EPHA6: variants seen among roughly 807,000 people sequenced by gnomAD.
The protein encoded by EPHA6 is ephrin type-A receptor 6.
A neutral mutation model predicts 112.0 loss-of-function variants in EPHA6; 50 were observed. The observed-to-expected ratio is 0.45, with a 90% CI of 0.36 to 0.56. EPHA6 has a LOEUF of 0.56. Ranked by LOEUF, EPHA6 falls within the 20% of genes least tolerant of loss-of-function variation. The pLI, the probability that EPHA6 is intolerant of heterozygous loss-of-function variation, is 0.00. For missense variants in EPHA6, 1,280 were observed against 1,417.4 expected (o/e 0.90, Z 1.56); for synonymous variants, 529 against 490.7 (o/e 1.08, Z -1.03).
intron 5 of EPHA6, among the ~76,000 whole-genome samples, chr3:97,283,815 A>G (rs1474240403): frequency 6.6e-6 from 1 of 152,196 alleles, no homozygotes; most frequent in Non-Finnish European, 1.5e-5. Flanking sequence ...ATTTAAGTAC[A>G]TTACTTGTGA....
intron 2 of EPHA6, among the ~76,000 whole-genome samples, chr3:96,941,030 C>T (rs2040911879): frequency 6.6e-6 from 1 of 152,152 alleles, no homozygotes; most frequent in African/African-American, 2.4e-5. Context: ...CTGCCCTTAA[C>T]ATTTTTTCCT....
intron 1 of EPHA6, among the ~76,000 whole-genome samples, chr3:96,839,942 T>C (rs984956932): frequency 2.0e-5 from 3 of 152,108 alleles, no homozygotes; most frequent in African/African-American, 7.2e-5. Context: ...AGGGCAGGAA[T>C]TGGTAATGGG....
At position 97,553,268 on chromosome 3, in the gene EPHA6, ATC is replaced by A. The variant is rs557780355; in HGVS notation, c.2386+20731_2386+20732del. On this transcript the variant is annotated intron_variant, in intron 11 of 17. Coordinates refer to ENST00000389672, the MANE Select transcript of EPHA6 (RefSeq NM_001080448.3). ...CCAGCTTTGTGCCTTCTACAAGCCA[ATC>A]TCTCTGTTGCTTTGGGGCTTTCCTG... is the stretch of plus-strand genomic sequence containing the variant. Among the ~76,000 whole-genome samples, 28 of 151,946 alleles carry A rather than the reference ATC, an allele frequency of 1.8e-4. No homozygotes were observed. The South Asian group carries it at 5.6e-3, about 30-fold the overall frequency.
Position 97,233,309 on chromosome 3 carries a change from C to CAA in EPHA6, c.1270+6904_1270+6905dup, listed in dbSNP as rs55764447. Among the ~76,000 whole-genome samples, 543 of 86,494 alleles carry CAA rather than the reference C, an allele frequency of 6.3e-3. 5 individuals carry two copies. The highest frequency in any genetic ancestry group is 0.015 in the African/African-American group (465 of 30,830). 56.7% of individuals were successfully genotyped at this position (86,494 alleles called of 152,430 possible). ...ACCCTAGCAGTTATTACAATGTATG[C>CAA]AAAAAAAAAAAAAAAGCAAGTACCA... is the stretch of plus-strand genomic sequence containing the variant. On this transcript the variant is annotated intron_variant, in intron 4 of 17. Transcript: ENST00000389672.
At position 97,175,521 on chromosome 3, in the gene EPHA6, T is replaced by C. The variant is rs529199284; in HGVS notation, c.1115-50743T>C. ...TAACAATATTGATTCTTCTAACCCA[T>C]GAACATGGAATATTTTTCCATTTTT... On this transcript the variant is annotated intron_variant, in intron 3 of 17. Transcript: ENST00000389672. Among the ~76,000 whole-genome samples the C allele has an allele frequency of 1.1e-4, 17 of 152,140 alleles. 1 individual carries two copies. The South Asian group carries it at 2.3e-3, about 20-fold the overall frequency.
In EPHA6 at chr3:97,243,955, C is replaced by T. The variant is rs2078918133; in HGVS notation, c.1274C>T (p.Pro425Leu). The T allele has an allele frequency of 6.2e-7, 1 of 1,600,130 alleles. No individual in the cohort carries two copies. The highest frequency in any genetic ancestry group is 1.3e-5 in the African/African-American group (1 of 74,492). The change falls in exon 5 of 18, where the codon CCA (proline) becomes CTA (leucine). Residue 425 changes from proline to leucine, a missense_variant. By Grantham distance (98) the Pro-to-Leu change is moderately conservative. This residue lies in a region of EPHA6 where 878 missense variants were observed against 999.7 expected (regional missense o/e 0.88). Transcript: ENST00000389672. ...KDPPSMACTR[P>L]PSAPRNVVFN... Reference sequence around the variant, plus strand: ...TTTTTTAATTGCTTTTCTCTAGGGCCACCTTCAGCTCCTAGGAATGTGGTT... The same window carrying T: ...TTTTTTAATTGCTTTTCTCTAGGGCTACCTTCAGCTCCTAGGAATGTGGTT...
At chr3:97,144,074 C>A (rs959931913) in intron 3 of EPHA6, among the ~76,000 whole-genome samples, 1 of 151,632 alleles carries the variant, frequency 6.6e-6, no homozygotes, top group Non-Finnish European at 1.5e-5. Context: ...TTTTATCAAG[C>A]ATTTGTGTAT....
At chr3:96,988,262 G>T (rs531140091) in intron 3 of EPHA6, among the ~76,000 whole-genome samples, 1 of 152,090 alleles carries the variant, frequency 6.6e-6, no homozygotes, top group African/African-American at 2.4e-5. Context: ...AATTAATTGT[G>T]AAAGCAATTG....
rs2035903828 is a variant in EPHA6, at chr3:97,751,659, G to A, written c.*2958G>A. Among the ~76,000 whole-genome samples, 1 of 152,068 alleles carries A rather than the reference G, an allele frequency of 6.6e-6. No individual in the cohort carries two copies. The highest frequency in any genetic ancestry group is 2.1e-4 in the South Asian group (1 of 4,828). Reference sequence around the variant, plus strand: ...ACATGAAACATTTTGAGACTTACTAGTGTAAATTTTAGGTAATTAAATCTG... The same window carrying A: ...ACATGAAACATTTTGAGACTTACTAATGTAAATTTTAGGTAATTAAATCTG... On this transcript the variant is annotated 3_prime_UTR_variant, in exon 18 of 18. Coordinates refer to ENST00000389672, the MANE Select transcript of EPHA6 (RefSeq NM_001080448.3).
intron 10 of EPHA6, among the ~76,000 whole-genome samples, chr3:97,529,580 G>A (rs1166615564): frequency 7.1e-5 from 1 of 14,068 alleles, no homozygotes; most frequent in Non-Finnish European, 1.3e-4. Context: ...TTTCTACAAT[G>A]TCAATCACAT....
intron 5 of EPHA6, among the ~76,000 whole-genome samples, chr3:97,356,106 G>T (rs904852119): frequency 6.6e-5 from 10 of 152,122 alleles, no homozygotes; most frequent in Non-Finnish European, 1.3e-4. Context: ...TCTGCCTCCT[G>T]TCAGATCAGT....
chr3:96,977,233 C>T (rs1480018574), intron 2 of EPHA6, among the ~76,000 whole-genome samples: 1 of 152,028 alleles, frequency 6.6e-6, no homozygotes, highest in East Asian at 1.9e-4. Context: ...AATGGAACTG[C>T]AGGCTATTAT....
chr3:97,294,939 A>G (rs2080822231), intron 5 of EPHA6, among the ~76,000 whole-genome samples: 1 of 151,984 alleles, frequency 6.6e-6, no homozygotes, highest in African/African-American at 2.4e-5. Flanking sequence ...TCTTTAGAGA[A>G]ATCTGATGTT....
intron 11 of EPHA6, among the ~76,000 whole-genome samples, chr3:97,553,881 A>G (rs1224661067): frequency 6.6e-6 from 1 of 152,112 alleles, no homozygotes; most frequent in Non-Finnish European, 1.5e-5. Flanking sequence ...TTTCATAAAA[A>G]TCTCTAGAAA....
At chr3:97,220,320 C>A (rs894922696) in intron 3 of EPHA6, among the ~76,000 whole-genome samples, 20 of 152,172 alleles carry the variant, frequency 1.3e-4, no homozygotes, top group Non-Finnish European at 2.8e-4. Flanking sequence ...CAACTTTTGC[C>A]TGTTACCCAT....
At chr3:97,445,377 C>T (rs2090304278) in intron 6 of EPHA6, among the ~76,000 whole-genome samples, 1 of 152,030 alleles carries the variant, frequency 6.6e-6, no homozygotes, top group Non-Finnish European at 1.5e-5. Context: ...CACTTTATGC[C>T]ATTTATTTAC....
At chr3:97,284,823 C>T (rs1466204197) in intron 5 of EPHA6, among the ~76,000 whole-genome samples, 2 of 152,086 alleles carry the variant, frequency 1.3e-5, no homozygotes, top group Non-Finnish European at 2.9e-5. Context: ...TTAATTTGTA[C>T]ACCAGTGCAA....
intron 3 of EPHA6, among the ~76,000 whole-genome samples, chr3:97,059,454 T>C (rs957709562): frequency 1.3e-5 from 2 of 152,056 alleles, no homozygotes; most frequent in African/African-American, 2.4e-5. Flanking sequence ...TTGACTAGTA[T>C]AGGATTTCAT....
chr3:97,502,078 T>G (rs1242458668), intron 10 of EPHA6, among the ~76,000 whole-genome samples: 2 of 151,662 alleles, frequency 1.3e-5, no homozygotes, highest in African/African-American at 4.9e-5. Flanking sequence ...AAAGAGTATT[T>G]GCGATTCAGA....
Sources: gnomAD v4.1 joint callset for allele counts (sites outside exome capture counted in the v4.1 genomes callset) on GRCh38, gnomAD v4.1.1 for gene constraint, gnomAD v4.1.1 regional missense constraint, MANE v1.5 for transcripts, NCBI Gene and HGNC (gene_info 2026-07-23, HGNC 2026-07-21) for gene names.